FRMD3: variants seen among roughly 807,000 people sequenced by gnomAD.
The protein encoded by FRMD3 is FERM domain containing 3.
In FRMD3, 33 loss-of-function variants were observed where a neutral mutation model predicts 70.2. That is an observed-to-expected ratio of 0.47 (90% confidence interval 0.36 to 0.63). FRMD3 has a LOEUF of 0.63. FRMD3 is among the 20% of genes least tolerant of loss of function. FRMD3 has a pLI of 0.00. For synonymous variants in FRMD3, 279 were observed against 255.9 expected (o/e 1.09, Z -0.86); for missense variants, 632 against 711.4 (o/e 0.89, Z 1.27).
At chr9:83,508,308 T>C (rs1829251376) in intron 1 of FRMD3, among the ~76,000 whole-genome samples, 1 of 152,208 alleles carries the variant, frequency 6.6e-6, no homozygotes, top group South Asian at 2.1e-4. Context: ...GCCTGGGTGT[T>C]AGGCATGCTG....
At chr9:83,570,378 T>C in the FRMD3 span, among the ~76,000 whole-genome samples, 2 of 152,162 alleles carry the variant, frequency 1.3e-5, no homozygotes, top group Non-Finnish European at 2.9e-5. Flanking sequence ...TCACAAGAAA[T>C]TGCCATCTTG....
At chr9:83,244,614 G>A, downstream of FRMD3, 1 of 964,888 alleles carries the variant, frequency 1.0e-6, no homozygotes, top group Non-Finnish European at 1.2e-6. Context: ...CTGAATGATT[G>A]CAAAAAATTT....
chr9:83,373,300 T>G (rs1395252853), intron 2 of FRMD3, among the ~76,000 whole-genome samples: 3 of 152,162 alleles, frequency 2.0e-5, no homozygotes, highest in Non-Finnish European at 4.4e-5. Flanking sequence ...CGCATATGGC[T>G]AAAGACTTTT....
intron 10 of FRMD3, among the ~76,000 whole-genome samples, chr9:83,299,791 T>TA (rs1564002739): frequency 6.6e-6 from 1 of 152,160 alleles, no homozygotes; most frequent in Non-Finnish European, 1.5e-5. Flanking sequence ...ATGACTAAGA[T>TA]ACACGAGGCA....
chr9:83,432,676 A>G (rs1026435945), intron 1 of FRMD3, among the ~76,000 whole-genome samples: 1 of 152,250 alleles, frequency 6.6e-6, no homozygotes, highest in African/African-American at 2.4e-5. Context: ...TGTAAGTTCA[A>G]TATAAAAGGA....
intron 1 of FRMD3, among the ~76,000 whole-genome samples, chr9:83,479,542 C>A (rs991542969): frequency 6.9e-5 from 10 of 144,162 alleles, no homozygotes; most frequent in African/African-American, 2.6e-4. Context: ...GCAGGAGGAT[C>A]TTTCAGCCTG....
intron 13 of FRMD3, among the ~76,000 whole-genome samples, chr9:83,269,059 A>G (rs1333025399): frequency 6.6e-6 from 1 of 152,236 alleles, no homozygotes; most frequent in Non-Finnish European, 1.5e-5. Context: ...AAAAATCTTT[A>G]GGACACTGAA....
intron 1 of FRMD3, among the ~76,000 whole-genome samples, chr9:83,448,655 C>G (rs552897688): frequency 2.0e-5 from 3 of 152,172 alleles, no homozygotes; most frequent in African/African-American, 7.2e-5. Flanking sequence ...CTCCATTCCC[C>G]TCCCTAAGAC....
intron 13 of FRMD3, among the ~76,000 whole-genome samples, chr9:83,254,459 A>AT (rs1320267234): frequency 6.6e-5 from 10 of 152,054 alleles, no homozygotes; most frequent in African/African-American, 2.4e-4. Context: ...ACAAGGTAAC[A>AT]TCTCAACTAA....
chr9:83,378,363 C>T (rs1465396379), intron 2 of FRMD3, among the ~76,000 whole-genome samples: 1 of 147,538 alleles, frequency 6.8e-6, no homozygotes, highest in Non-Finnish European at 1.5e-5. Flanking sequence ...CTGCAGCCTC[C>T]ACCTCCTGGG....
chr9:83,409,676 G>A (rs200210765), intron 1 of FRMD3, among the ~76,000 whole-genome samples: 15 of 152,320 alleles, frequency 9.8e-5, no homozygotes, highest in East Asian at 5.8e-4. Context: ...ATATTAGCTC[G>A]TTAATACAGT....
intron 1 of FRMD3, among the ~76,000 whole-genome samples, chr9:83,520,479 G>C (rs1829547145): frequency 6.6e-6 from 1 of 152,204 alleles, no homozygotes; most frequent in Non-Finnish European, 1.5e-5. Flanking sequence ...CTACCATTAA[G>C]AGACTATTGC....
chr9:83,479,040 A>T (rs4877778), intron 1 of FRMD3, among the ~76,000 whole-genome samples: 107,853 of 151,936 alleles, frequency 0.71, 38,933 homozygotes, highest in African/African-American at 0.84. Context: ...AAGATTATTT[A>T]AAAATTATAT....
chr9:83,354,261 A>G (rs146676701), intron 3 of FRMD3, among the ~76,000 whole-genome samples: 140 of 152,304 alleles, frequency 9.2e-4, no homozygotes, highest in African/African-American at 2.6e-3. Flanking sequence ...CTAAGTGCCC[A>G]TCAATGGTGG....
chr9:83,412,363 G>T (rs762247163), intron 1 of FRMD3, among the ~76,000 whole-genome samples: 3 of 151,956 alleles, frequency 2.0e-5, no homozygotes, highest in Non-Finnish European at 4.4e-5. Context: ...TACCTTTGGT[G>T]AACATATATA....
chr9:83,260,216 A>G (rs1170096039), intron 13 of FRMD3, among the ~76,000 whole-genome samples: 1 of 152,214 alleles, frequency 6.6e-6, no homozygotes, highest in Non-Finnish European at 1.5e-5. Context: ...TCGGCTGGAT[A>G]CTTTAAATAT....
chr9:83,298,388 C>T (rs192682786), intron 12 of FRMD3, among the ~76,000 whole-genome samples: 238 of 152,198 alleles, frequency 1.6e-3, no homozygotes, highest in African/African-American at 5.3e-3. Context: ...CCAATGGGAA[C>T]GGGCCAAATA....
At chr9:83,327,453 C>G (rs1836064764) in intron 6 of FRMD3, among the ~76,000 whole-genome samples, 2 of 152,110 alleles carry the variant, frequency 1.3e-5, no homozygotes, top group African/African-American at 2.4e-5. Context: ...GAGAGAGATT[C>G]CTTTGCTCTT....
the FRMD3 span, among the ~76,000 whole-genome samples, chr9:83,563,424 C>G: frequency 6.6e-6 from 1 of 152,158 alleles, no homozygotes; most frequent in African/African-American, 2.4e-5. Context: ...CAACAAAAAG[C>G]TGGGTTAGCC....
Sources: gnomAD v4.1 joint callset for allele counts (sites outside exome capture counted in the v4.1 genomes callset) on GRCh38, gnomAD v4.1.1 for gene constraint, MANE v1.5 for transcripts, NCBI Gene and HGNC (gene_info 2026-07-23, HGNC 2026-07-21) for gene names.